Variants in EMC3 observed in about 807,000 individuals in gnomAD.
EMC3 encodes ER membrane protein complex subunit 3.
A neutral mutation model predicts 36.6 loss-of-function variants in EMC3; 13 were observed. That is an observed-to-expected ratio of 0.35 (90% CI 0.23 to 0.56). The LOEUF is 0.56. Among genes scored for constraint, EMC3 ranks in the 20% least tolerant of loss-of-function variants. The probability of loss-of-function intolerance (pLI) is 0.84; values close to 1 mark genes in which losing one functional copy is unlikely to be tolerated. For missense variants in EMC3, 220 were observed against 324.5 expected, an observed-to-expected ratio of 0.68 and a Z score of 2.47; for synonymous variants, 120 against 111.9, an observed-to-expected ratio of 1.07 and a Z score of -0.46.
At chr3:10,003,564 C>T (rs1363103292) in intron 1 of EMC3, 9 of 269,664 alleles carry the variant, frequency 3.3e-5, no homozygotes, top group South Asian at 1.2e-4. Flanking sequence ...CACCATTGGC[C>T]GTGGCACGTT....
In EMC3 at chr3:9,975,669, G is replaced by A. The variant is rs534025558; in HGVS notation, c.308-1181C>T. On this transcript the variant is annotated intron_variant, in intron 3 of 7. Transcript: ENST00000245046. ...CTATTAAAAATACAAAAAATTAGCC[G>A]GGCATGGTGGCAGGTGCCTGTAATC... Among the ~76,000 whole-genome samples, 267 of 152,048 alleles carry A rather than the reference G, an allele frequency of 1.8e-3. 2 individuals carry two copies. The Middle Eastern group carries it at 0.024, about 14-fold the overall frequency.
chr3:9,974,864 T>G (rs1420149892), intron 3 of EMC3, among the ~76,000 whole-genome samples: 1 of 130,766 alleles, frequency 7.6e-6, no homozygotes, highest in Admixed American at 7.7e-5. Context: ...AGCGTTTTTT[T>G]TTTTTTTTTT....
In EMC3 at chr3:9,986,784, C is replaced by T; in HGVS notation, c.-123G>A. 1.3e-6 allele frequency: 2 copies of T among 1,487,144 alleles called. No individual in the cohort carries two copies. Among genetic ancestry groups the T allele is most frequent in the Non-Finnish European group, 1.8e-6 (2 of 1,118,730 alleles). 92.1% of individuals were successfully genotyped at this position (1,487,144 alleles called of 1,614,324 possible). A position where few individuals can be genotyped will look rare whatever the true frequency, so the allele number is the denominator to read the frequency against. On this transcript the variant is annotated 5_prime_UTR_variant, in exon 1 of 8. Transcript: ENST00000245046. The stretch of plus-strand genomic sequence containing the variant: ...CCCTTTGCCCGTGTACCCCAGAACT[C>T]TCCTGCGACTGTGAGCCGAGCTTAC...
chr3:9,975,983 A>T (rs949304255), intron 3 of EMC3, among the ~76,000 whole-genome samples: 1 of 152,220 alleles, frequency 6.6e-6, no homozygotes, highest in African/African-American at 2.4e-5. Context: ...CTCAAAAAAA[A>T]TTAATTATAA....
chr3:9,986,926 C>G (rs1160009539), upstream of EMC3: 12 of 1,248,774 alleles, frequency 9.6e-6, no homozygotes, highest in African/African-American at 1.1e-4. Flanking sequence ...GGAAAACTAT[C>G]GGCGGTGGCC....
chr3:9,977,604 G>A (rs984985945), intron 1 of EMC3, among the ~76,000 whole-genome samples, 158 bp from the exon 2 acceptor site: 3 of 152,104 alleles, frequency 2.0e-5, no homozygotes, highest in Non-Finnish European at 2.9e-5. Flanking sequence ...TAAAACCAAC[G>A]TAAACTTATT....
intron 1 of EMC3, among the ~76,000 whole-genome samples, chr3:9,980,905 T>A (rs1575682529): frequency 6.6e-6 from 1 of 152,176 alleles, no homozygotes; most frequent in Non-Finnish European, 1.5e-5. Flanking sequence ...CAAAAGGCCA[T>A]TGTTCACAGC....
chr3:10,001,807 C>T (rs2086203904), intron 1 of EMC3, among the ~76,000 whole-genome samples: 1 of 151,934 alleles, frequency 6.6e-6, no homozygotes, highest in South Asian at 2.1e-4. Flanking sequence ...ACCATCCTGG[C>T]TAACACGATG....
intron 5 of EMC3, among the ~76,000 whole-genome samples, chr3:9,972,383 G>A (rs1185435538): frequency 6.6e-6 from 1 of 150,762 alleles, no homozygotes; most frequent in Non-Finnish European, 1.5e-5. Flanking sequence ...TAGAAAAGAG[G>A]TGACACATTC....
At chr3:9,972,071 GGTAA>G (rs2085791510) in intron 5 of EMC3, among the ~76,000 whole-genome samples, 1 of 152,106 alleles carries the variant, frequency 6.6e-6, no homozygotes, top group Non-Finnish European at 1.5e-5. Context: ...TATAAAGAGT[GGTAA>G]GTAACACATG....
At chr3:10,002,838 T>C (rs1382161207) in intron 1 of EMC3, 1 of 455,218 alleles carries the variant, frequency 2.2e-6, no homozygotes, top group Non-Finnish European at 4.4e-6. Flanking sequence ...CCAGCAACAG[T>C]AGTGCAGACC....
intron 5 of EMC3, among the ~76,000 whole-genome samples, chr3:9,971,171 C>T (rs1351120540): frequency 6.6e-6 from 1 of 152,176 alleles, no homozygotes; most frequent in East Asian, 1.9e-4. Context: ...GATCCGCCCA[C>T]CTCAGCCTCC....
At chr3:9,976,077 A>C (rs1237754651) in intron 3 of EMC3, among the ~76,000 whole-genome samples, 1 of 152,104 alleles carries the variant, frequency 6.6e-6, no homozygotes, top group Non-Finnish European at 1.5e-5. Flanking sequence ...AACACAGAAC[A>C]ACAAATTACT....
At chr3:9,997,752 G>A (rs1414042501) in intron 1 of EMC3, among the ~76,000 whole-genome samples, 4 of 152,098 alleles carry the variant, frequency 2.6e-5, no homozygotes, top group East Asian at 1.9e-4. Flanking sequence ...GAGCCACTGC[G>A]CCCGGCCCCC....
intron 7 of EMC3, among the ~76,000 whole-genome samples, chr3:9,965,469 T>C (rs147312385): frequency 1.4e-5 from 2 of 143,352 alleles, no homozygotes; most frequent in East Asian, 4.1e-4. Flanking sequence ...TAGAACAAGC[T>C]TATTTAATGT....
intron 1 of EMC3, chr3:10,000,919 A>C: frequency 2.4e-6 from 1 of 424,578 alleles, no homozygotes; most frequent in Non-Finnish European, 4.8e-6. Flanking sequence ...CTTCTGAACA[A>C]AAATCTTGCT....
intron 1 of EMC3, among the ~76,000 whole-genome samples, chr3:9,986,040 G>A (rs17535749): frequency 0.072 from 10,909 of 152,158 alleles, 494 homozygotes; most frequent in Non-Finnish European, 0.1. Flanking sequence ...TTGGTACTTG[G>A]CATCTCAGCT....
chr3:9,973,473 C>T (rs944039172), intron 5 of EMC3, 155 bp downstream of exon 5: 23 of 639,490 alleles, frequency 3.6e-5, no homozygotes, highest in South Asian at 5.6e-5. Context: ...GGATTACAGT[C>T]GTGAGCCACT....
At chr3:9,991,061 C>G (rs1247323149), upstream of EMC3, among the ~76,000 whole-genome samples, 1 of 151,274 alleles carries the variant, frequency 6.6e-6, no homozygotes, top group Non-Finnish European at 1.5e-5. Flanking sequence ...ATCTCCTGAC[C>G]TCGTGATCTG....
Sources: allele counts gnomAD v4.1 joint callset (sites outside exome capture counted in the v4.1 genomes callset), GRCh38; gene constraint gnomAD v4.1.1; transcripts MANE v1.5; gene names NCBI Gene and HGNC (gene_info 2026-07-23, HGNC 2026-07-21).